Variants in BRCA1 observed in about 807,000 individuals in gnomAD.
The protein encoded by BRCA1 is BRCA1 DNA repair associated, also known as breast cancer type 1 susceptibility protein.
Under a neutral mutation model 173.7 loss-of-function variants are expected in BRCA1, and 140 were observed. The observed-to-expected ratio is 0.81, with a 90% CI of 0.70 to 0.93. The LOEUF (loss-of-function observed/expected upper bound fraction) is 0.93. Ranked by LOEUF, BRCA1 falls within the 40% of genes least tolerant of loss-of-function variation. The pLI is 0.00. For missense variants in BRCA1, 1,983 were observed against 2,172.5 expected, an observed-to-expected ratio of 0.91 and a Z score of 1.73; for synonymous variants, 662 against 756.0, an observed-to-expected ratio of 0.88 and a Z score of 2.04.
At chr17:43,146,661 C>T (rs536523187) in intron 1 of BRCA1, among the ~76,000 whole-genome samples, 31 of 151,800 alleles carry the variant, frequency 2.0e-4, no homozygotes, top group African/African-American at 7.0e-4. Flanking sequence ...TCTGTACTGA[C>T]CCTCAACCAA....
At chr17:43,169,800 C>G (rs925632895) in intron 1 of BRCA1, 1 of 252,070 alleles carries the variant, frequency 4.0e-6, no homozygotes, top group Non-Finnish European at 7.9e-6. Flanking sequence ...GCCCAGGGGC[C>G]CAGTTATCTG....
intron 3 of BRCA1, among the ~76,000 whole-genome samples, chr17:43,109,070 CTACAGT>C (rs377396138): frequency 6.6e-6 from 1 of 152,300 alleles, no homozygotes; most frequent in African/African-American, 2.4e-5. Context: ...ATCTATCTGT[CTACAGT>C]CTTGAACTCC....
chr17:43,154,886 G>A (rs1380640653), intron 1 of BRCA1, among the ~76,000 whole-genome samples: 2 of 151,932 alleles, frequency 1.3e-5, no homozygotes, highest in Non-Finnish European at 2.9e-5. Context: ...GTGTACATGG[G>A]GGGAGTCAGG....
upstream of BRCA1, among the ~76,000 whole-genome samples, chr17:43,129,157 G>T (rs538905858): frequency 6.6e-6 from 1 of 152,244 alleles, no homozygotes; most frequent in Admixed American, 6.5e-5. Context: ...AAAGCTGAAG[G>T]CCTAGGACCC....
intron 11 of BRCA1, among the ~76,000 whole-genome samples, chr17:43,089,374 A>AT (rs1223911474): frequency 6.6e-6 from 1 of 152,032 alleles, no homozygotes; most frequent in Admixed American, 6.6e-5. Flanking sequence ...GATGATATTC[A>AT]TTTTTAGACG....
intron 12 of BRCA1, 70 bp from the exon 13 acceptor site, chr17:43,076,684 A>C: frequency 6.3e-7 from 1 of 1,576,460 alleles, no homozygotes; most frequent in Non-Finnish European, 8.7e-7. Flanking sequence ...AGGTTAGAAT[A>C]CTGATTTTTT....
At chr17:43,122,711 C>A (rs866389860) in intron 2 of BRCA1, among the ~76,000 whole-genome samples, 2 of 151,868 alleles carry the variant, frequency 1.3e-5, no homozygotes, top group African/African-American at 2.4e-5. Context: ...GAGTTTGAGA[C>A]CAGCATGGCC....
Position 43,099,815 on chromosome 17 carries a change from C to G in BRCA1, c.507G>C (p.Gln169His), listed in dbSNP as rs759882045. 6.2e-7 allele frequency: 1 copy of G among 1,613,772 alleles called. No individual in the cohort carries two copies. Among genetic ancestry groups the G allele is most frequent in the South Asian group, 1.1e-5 (1 of 91,080 alleles). ...LGTVRTLRTK[Q>H]RIQPQKTSVY... is the part of the protein sequence containing the mutation. ...CAGACGTCTTTTGAGGTTGTATCCGCTGCTTTGTCCTCAGAGTTCTCACAG... is the reference window on the plus strand; with the variant it reads ...CAGACGTCTTTTGAGGTTGTATCCGGTGCTTTGTCCTCAGAGTTCTCACAG... Residue 169 changes from glutamine to histidine, a missense_variant, in exon 7 of 23, where the codon CAG becomes CAC. Gln to His is a conservative substitution (Grantham distance 24, BLOSUM62 0). Transcript: ENST00000357654.
At chr17:43,086,165 A>G (rs1000868446) in intron 11 of BRCA1, among the ~76,000 whole-genome samples, 2 of 146,792 alleles carry the variant, frequency 1.4e-5, no homozygotes, top group African/African-American at 5.2e-5. Context: ...CCCACCAATA[A>G]TCCATCTCCT....
In BRCA1 at chr17:43,091,629, C is replaced by A; in HGVS notation, c.3902G>T (p.Ser1301Ile). The A allele has an allele frequency of 6.2e-7, 1 of 1,614,226 alleles. No individual in the cohort carries two copies. The highest frequency in any genetic ancestry group is 8.5e-7 in the Non-Finnish European group (1 of 1,180,040). ...CSASLFSSQC[S>I]ELEDLTANTN... Reference sequence around the variant, plus strand: ...ATTTGCAGTCAAGTCTTCCAATTCACTGCACTGTGAAGAAAACAAGCTAGC... The same window carrying A: ...ATTTGCAGTCAAGTCTTCCAATTCAATGCACTGTGAAGAAAACAAGCTAGC... Residue 1301 changes from serine (S) to isoleucine (I), a missense_variant, in exon 10 of 23, where the codon AGT (serine) becomes ATT (isoleucine). Ser to Ile is a moderately radical substitution (Grantham distance 142). Coordinates refer to ENST00000357654, the MANE Select transcript of BRCA1 (RefSeq NM_007294.4).
intron 1 of BRCA1, among the ~76,000 whole-genome samples, chr17:43,148,163 G>A (rs892758413): frequency 5.9e-5 from 9 of 152,286 alleles, no homozygotes; most frequent in African/African-American, 2.2e-4. Flanking sequence ...GGTGGCGCAA[G>A]CCTGTAATCC....
intron 3 of BRCA1, among the ~76,000 whole-genome samples, chr17:43,115,501 CAA>C (rs35149296): frequency 6.4e-4 from 79 of 123,236 alleles, no homozygotes; most frequent in South Asian, 1.2e-3. Flanking sequence ...GACTTTGTCT[CAA>C]AAAAAAAAAA....
chr17:43,092,191 CAT>C lies in BRCA1; in HGVS notation c.3338_3339del (p.Tyr1113Ter), dbSNP rs2053605677. 1 of 1,613,056 alleles carries C rather than the reference CAT, an allele frequency of 6.2e-7. No individual in the cohort carries two copies. Among genetic ancestry groups the C allele is most frequent in the South Asian group, 1.1e-5 (1 of 91,076 alleles). On this transcript the variant is annotated frameshift_variant, in exon 10 of 23. Coordinates refer to ENST00000357654, the MANE Select transcript of BRCA1 (RefSeq NM_007294.4). LOFTEE classifies it high-confidence loss of function. ...GTATTAACAGTCTGAACTACTTCTT[CAT>C]ATTCTTGCTTTTTTATTTCAGGATG... ...CKHPEIKKQE[Y>X]EEVVQTVNTD...
Position 43,095,845 on chromosome 17 carries a change from C to A in BRCA1, c.670+1G>T, listed in dbSNP as rs398122706. ...GTTAAGTTGGCAAACTTTGCCATTA[C>A]CCTTTTTTGCAGAATCCAAACTGAT... On this transcript the variant is annotated splice_donor_variant, in intron 9 of 22. Coordinates refer to ENST00000357654, the MANE Select transcript of BRCA1 (RefSeq NM_007294.4). LOFTEE classifies it high-confidence loss of function. 6.2e-7 allele frequency: 1 copy of A among 1,612,646 alleles called. No homozygotes were observed. The highest frequency in any genetic ancestry group is 8.5e-7 in the Non-Finnish European group (1 of 1,178,948).
chr17:43,112,144 C>G (rs1046303785), intron 3 of BRCA1, among the ~76,000 whole-genome samples: 5 of 151,588 alleles, frequency 3.3e-5, no homozygotes, highest in African/African-American at 7.3e-5. Context: ...GGCTAGAGTA[C>G]AGTGGCACGA....
chr17:43,127,846 A>C, upstream of BRCA1, among the ~76,000 whole-genome samples: 1 of 149,572 alleles, frequency 6.7e-6, no homozygotes, highest in African/African-American at 2.6e-5. Flanking sequence ...AACACAGTGA[A>C]ACCCCGACTC....
intron 7 of BRCA1, among the ~76,000 whole-genome samples, chr17:43,098,855 T>C (rs977466443): frequency 1.3e-5 from 2 of 151,262 alleles, no homozygotes; most frequent in Admixed American, 6.6e-5. Flanking sequence ...TTCACTCTTG[T>C]TGCCTAGGCT....
At chr17:43,084,021 T>G (rs2053131473) in intron 11 of BRCA1, among the ~76,000 whole-genome samples, 1 of 150,648 alleles carries the variant, frequency 6.6e-6, no homozygotes, top group South Asian at 2.1e-4. Flanking sequence ...CCTGTTACCA[T>G]GCCCGACTAA....
chr17:43,160,678 G>A (rs2056230550), intron 1 of BRCA1: 1 of 152,100 alleles, frequency 6.6e-6, no homozygotes, highest in Non-Finnish European at 1.5e-5. Flanking sequence ...TTTGGAGGCA[G>A]AAATTGGGCA....
Sources: gnomAD v4.1 joint callset for allele counts (sites outside exome capture counted in the v4.1 genomes callset) on GRCh38, gnomAD v4.1.1 for gene constraint, MANE v1.5 for transcripts, NCBI Gene and HGNC (gene_info 2026-07-23, HGNC 2026-07-21) for gene names.